Variants in EBPL observed in about 807,000 individuals in gnomAD.
EBPL encodes the protein EBP like, also known as emopamil-binding protein-like.
A neutral mutation model predicts 19.0 loss-of-function variants in EBPL; 20 were observed. The ratio of observed to expected loss-of-function variants is 1.05; its 90% CI spans 0.74 to 1.53. EBPL has a LOEUF of 1.53. Ranked by LOEUF, EBPL falls within the 40% of genes most tolerant of loss-of-function variation. The pLI, the probability that EBPL is intolerant of heterozygous loss-of-function variation, is 0.00. For missense variants in EBPL, 219 were observed against 261.1 expected (o/e 0.84, Z 1.11); for synonymous variants, 107 against 117.0 (o/e 0.91, Z 0.55).
intron 2 of EBPL, among the ~76,000 whole-genome samples, chr13:49,667,236 A>G (rs919227673): frequency 6.6e-6 from 1 of 152,204 alleles, no homozygotes; most frequent in African/African-American, 2.4e-5. Context: ...ACACTGAAAC[A>G]ATAAAAAGGC....
chr13:49,686,803 C>T (rs1320811572), intron 1 of EBPL, among the ~76,000 whole-genome samples: 1 of 152,126 alleles, frequency 6.6e-6, no homozygotes, highest in Admixed American at 6.5e-5. Context: ...CATTCTCTCT[C>T]TCTTCTTTTT....
At position 49,663,058 on chromosome 13, in the gene EBPL, G is replaced by T; in HGVS notation, c.379C>A (p.Arg127=). 1 of 1,613,662 alleles carries T rather than the reference G, an allele frequency of 6.2e-7. No individual in the cohort carries two copies. The highest frequency in any genetic ancestry group is 1.1e-5 in the South Asian group (1 of 91,046). The part of the protein sequence containing the change: ...IYAIVKEKYY[R]HFLQITLCVC... ...GCAGGACAGAAGAAGGGCACCTACCGGTAATATTTTTCTTTGACTATGGCA... is the reference window on the plus strand; with the variant it reads ...GCAGGACAGAAGAAGGGCACCTACCTGTAATATTTTTCTTTGACTATGGCA... Residue 127 remains arginine, a splice_region_variant and synonymous_variant, in exon 3 of 4, where the codon CGG becomes AGG. Coordinates refer to ENST00000242827, the MANE Select transcript of EBPL (RefSeq NM_032565.5).
At chr13:49,684,786 G>A (rs1435091235) in intron 1 of EBPL, among the ~76,000 whole-genome samples, 1 of 152,200 alleles carries the variant, frequency 6.6e-6, no homozygotes, top group African/African-American at 2.4e-5. Flanking sequence ...TAAACAAATT[G>A]AGACCTACCC....
chr13:49,673,593 C>T (rs747480062), intron 1 of EBPL, among the ~76,000 whole-genome samples: 1 of 152,148 alleles, frequency 6.6e-6, no homozygotes, highest in East Asian at 1.9e-4. Context: ...TGCACCACCA[C>T]GCCCACCTAA....
chr13:49,670,868 C>T lies in EBPL; in HGVS notation c.172-1022G>A, dbSNP rs376869072. Among the ~76,000 whole-genome samples the T allele has an allele frequency of 7.9e-5, 12 of 152,312 alleles. 1 individual carries two copies. The East Asian group carries it at 2.1e-3, about 27-fold the overall frequency. On this transcript the variant is annotated intron_variant, in intron 1 of 3. Coordinates refer to ENST00000242827, the MANE Select transcript of EBPL (RefSeq NM_032565.5). ...GTATGACAGCCTCTACCAGGCTCCC[C>T]GCACCCTGTTCCCAACTCTCAATTT...
chr13:49,677,432 G>C (rs1953888470), intron 1 of EBPL, among the ~76,000 whole-genome samples: 1 of 152,166 alleles, frequency 6.6e-6, no homozygotes, highest in Non-Finnish European at 1.5e-5. Flanking sequence ...CTGTGATTCT[G>C]AGACTGGCTG....
In EBPL at chr13:49,691,304, G is replaced by C. The variant is rs1954061734; in HGVS notation, c.121C>G (p.Arg41Gly). The change falls in exon 1 of 4, where the codon CGC becomes GGC. Residue 41 changes from arginine (R) to glycine (G), a missense_variant. Arg to Gly is a moderately radical substitution (Grantham distance 125, BLOSUM62 -2). Around this residue, in one of 2 missense-constraint regions of EBPL, gnomAD observed 170 missense variants for 167.0 expected, o/e 1.02. Transcript: ENST00000242827. ...RLGRGQGAAD[R>G]GALIWLCYDA... Reference sequence around the variant, plus strand: ...TAGCAGAGCCAGATGAGCGCCCCGCGGTCCGCCGCCCCCTGCCCGCGGCCC... The same window carrying C: ...TAGCAGAGCCAGATGAGCGCCCCGCCGTCCGCCGCCCCCTGCCCGCGGCCC... The C allele has an allele frequency of 2.9e-6, 4 of 1,371,960 alleles. No homozygotes were observed. Among genetic ancestry groups the C allele is most frequent in the African/African-American group, 1.5e-5 (1 of 66,622 alleles). 85.0% of individuals were successfully genotyped at this position (1,371,960 alleles called of 1,614,324 possible).
intron 1 of EBPL, among the ~76,000 whole-genome samples, chr13:49,690,128 C>T (rs972439225): frequency 7.8e-6 from 1 of 127,526 alleles, no homozygotes; most frequent in African/African-American, 3.0e-5. Context: ...CCAGCCTGGG[C>T]AACAGTGTTA....
intron 2 of EBPL, among the ~76,000 whole-genome samples, chr13:49,664,898 C>G (rs1001897758): frequency 1.3e-5 from 2 of 152,196 alleles, no homozygotes; most frequent in African/African-American, 4.8e-5. Flanking sequence ...GAGAGGCCAC[C>G]GAGAGTCATC....
chr13:49,662,058 A>T, intron 3 of EBPL: 2 of 811,720 alleles, frequency 2.5e-6, no homozygotes, highest in Non-Finnish European at 4.0e-6. Context: ...CAGTGGCACG[A>T]ACGTGGCTCA....
chr13:49,689,511 G>T (rs995304346), intron 1 of EBPL, among the ~76,000 whole-genome samples: 2 of 152,028 alleles, frequency 1.3e-5, no homozygotes, highest in African/African-American at 4.8e-5. Flanking sequence ...ACCACACCTG[G>T]CTAATTTTTG....
chr13:49,673,860 G>C (rs1378791609), intron 1 of EBPL, among the ~76,000 whole-genome samples: 2 of 152,030 alleles, frequency 1.3e-5, no homozygotes, highest in Non-Finnish European at 2.9e-5. Context: ...GTTATAAAAG[G>C]AAAACACTAG....
chr13:49,690,026 C>G (rs952871310), intron 1 of EBPL, among the ~76,000 whole-genome samples: 2 of 151,628 alleles, frequency 1.3e-5, no homozygotes, highest in Admixed American at 6.6e-5. Context: ...GACGGGCGCC[C>G]GTAATCCCAG....
intron 2 of EBPL, among the ~76,000 whole-genome samples, chr13:49,669,349 C>A (rs1459637486): frequency 6.6e-6 from 1 of 152,100 alleles, no homozygotes; most frequent in East Asian, 1.9e-4. Flanking sequence ...TACAGGTGTG[C>A]ACCACCACAC....
At chr13:49,676,076 T>TA (rs746952835) in intron 1 of EBPL, among the ~76,000 whole-genome samples, 22 of 152,264 alleles carry the variant, frequency 1.4e-4, no homozygotes, top group Admixed American at 3.9e-4. Context: ...ATGTAAGTTT[T>TA]AAAATGGAGA....
chr13:49,667,911 C>A (rs1012551135), intron 2 of EBPL, among the ~76,000 whole-genome samples: 1 of 152,222 alleles, frequency 6.6e-6, no homozygotes, highest in African/African-American at 2.4e-5. Flanking sequence ...CCAGGCAGGG[C>A]AGCCAGGGGA....
intron 1 of EBPL, among the ~76,000 whole-genome samples, chr13:49,679,006 T>TAAAAAAAAAGAA (rs1953913013): frequency 1.1e-5 from 1 of 95,188 alleles, no homozygotes; most frequent in African/African-American, 5.1e-5. Flanking sequence ...AGACTCCGTC[T>TAAAAAAAAAGAA]AAAAAAAAAA....
intron 3 of EBPL, chr13:49,661,699 C>T (rs1050448473): frequency 2.6e-5 from 25 of 957,348 alleles, no homozygotes; most frequent in East Asian, 1.1e-4. Context: ...CATGGGCACA[C>T]GTAGTAAGTT....
intron 1 of EBPL, among the ~76,000 whole-genome samples, chr13:49,672,746 G>A (rs1953831667): frequency 6.6e-6 from 1 of 152,192 alleles, no homozygotes; most frequent in Admixed American, 6.5e-5. Flanking sequence ...AGTGAGGTAT[G>A]ACTGTATAAA....
Sources: allele counts gnomAD v4.1 joint callset (sites outside exome capture counted in the v4.1 genomes callset), GRCh38; gene constraint gnomAD v4.1.1; regional missense constraint gnomAD v4.1.1; transcripts MANE v1.5; gene names NCBI Gene and HGNC (gene_info 2026-07-23, HGNC 2026-07-21).